NIPBL: variants seen among roughly 807,000 people sequenced by gnomAD.
The protein encoded by NIPBL is NIPBL cohesin loading factor, also known as nipped-B-like protein.
NIPBL carries 19 observed loss-of-function variants against 321.8 expected under a neutral mutation model. That is an observed-to-expected ratio of 0.06 (90% CI 0.04 to 0.09). The LOEUF is 0.09. Ranked by LOEUF, NIPBL falls within the 10% of genes least tolerant of loss-of-function variation. The pLI is 1.00. For missense variants in NIPBL, 2,210 were observed against 3,327.0 expected (o/e 0.66, Z 8.26); for synonymous variants, 1,106 against 1,114.1 (o/e 0.99, Z 0.14).
At chr5:36,887,950 A>G (rs1478645411) in intron 1 of NIPBL, among the ~76,000 whole-genome samples, 1 of 152,178 alleles carries the variant, frequency 6.6e-6, no homozygotes, top group Non-Finnish European at 1.5e-5. Context: ...CAACTCATTT[A>G]CCTAAACTAG....
At chr5:36,898,142 G>A (rs905371198) in intron 1 of NIPBL, among the ~76,000 whole-genome samples, 3 of 152,062 alleles carry the variant, frequency 2.0e-5, no homozygotes, top group African/African-American at 7.2e-5. Context: ...GAAATAAAGA[G>A]TAAAAATCTA....
intron 36 of NIPBL, 125 bp downstream of exon 36, chr5:37,044,854 C>T: frequency 1.4e-6 from 1 of 717,890 alleles, no homozygotes; most frequent in East Asian, 2.7e-5. Flanking sequence ...CCACCGTGGT[C>T]CTCTCAGAAA....
At chr5:36,967,466 A>T (rs1742330173) in intron 6 of NIPBL, among the ~76,000 whole-genome samples, 1 of 152,184 alleles carries the variant, frequency 6.6e-6, no homozygotes, top group South Asian at 2.1e-4. Flanking sequence ...AAATGAAGAG[A>T]TATGCTAATC....
chr5:37,036,209 A>G (rs890470475), intron 32 of NIPBL, among the ~76,000 whole-genome samples, 170 bp from the exon 33 acceptor site: 1 of 151,408 alleles, frequency 6.6e-6, no homozygotes, highest in African/African-American at 2.4e-5. Flanking sequence ...TTGTTTTATT[A>G]ATTTGCACTT....
At chr5:36,926,096 C>G (rs1749341523) in intron 1 of NIPBL, among the ~76,000 whole-genome samples, 1 of 152,184 alleles carries the variant, frequency 6.6e-6, no homozygotes, top group Non-Finnish European at 1.5e-5. Flanking sequence ...TGACTTAATT[C>G]CTTTGGCTCA....
intron 30 of NIPBL, 69 bp downstream of exon 30, chr5:37,024,788 A>G (rs1750064597): frequency 8.0e-7 from 1 of 1,250,004 alleles, no homozygotes; most frequent in Non-Finnish European, 1.1e-6. Context: ...ATTGCACCTA[A>G]ATGTTGATTT....
chr5:36,901,751 C>T (rs1747243935), intron 1 of NIPBL, among the ~76,000 whole-genome samples: 1 of 152,054 alleles, frequency 6.6e-6, no homozygotes, highest in African/African-American at 2.4e-5. Flanking sequence ...TCAAGTGATC[C>T]ACCCCCCTCT....
intron 32 of NIPBL, among the ~76,000 whole-genome samples, chr5:37,028,461 C>T (rs1750580038): frequency 6.6e-6 from 1 of 151,738 alleles, no homozygotes; most frequent in African/African-American, 2.4e-5. Flanking sequence ...CTACCTCAGC[C>T]TCCCAAGTAG....
At chr5:37,060,531 G>T (rs560891301) in intron 44 of NIPBL, among the ~76,000 whole-genome samples, 1 of 152,226 alleles carries the variant, frequency 6.6e-6, no homozygotes, top group African/African-American at 2.4e-5. Flanking sequence ...GTAAGGTTTT[G>T]AGGCAATGCT....
At chr5:36,937,053 T>A (rs1299629444) in intron 1 of NIPBL, among the ~76,000 whole-genome samples, 1 of 152,192 alleles carries the variant, frequency 6.6e-6, no homozygotes, top group African/African-American at 2.4e-5. Context: ...AGAAGTTTTA[T>A]CAATTTTTTG....
At chr5:36,878,873 A>T (rs904900597) in intron 1 of NIPBL, among the ~76,000 whole-genome samples, 1 of 151,056 alleles carries the variant, frequency 6.6e-6, no homozygotes, top group African/African-American at 2.4e-5. Context: ...CTGAGCCCCA[A>T]TCCCGGCCTC....
intron 14 of NIPBL, among the ~76,000 whole-genome samples, chr5:37,002,457 T>C (rs1746929857): frequency 6.6e-6 from 1 of 152,192 alleles, no homozygotes; most frequent in East Asian, 1.9e-4. Flanking sequence ...AAGATATCTA[T>C]CTCATCTTCC....
intron 32 of NIPBL, 44 bp from the exon 33 acceptor site, chr5:37,036,335 G>GTATATATATGTATATATA (rs1278770853): frequency 2.8e-5 from 13 of 456,972 alleles, no homozygotes; most frequent in Non-Finnish European, 4.1e-5. Context: ...TTTCTTTTTT[G>GTATATATATGTATATATA]TATATATATA....
chr5:36,976,967 C>T (rs2149629992), intron 9 of NIPBL, among the ~76,000 whole-genome samples: 1 of 152,062 alleles, frequency 6.6e-6, no homozygotes, highest in South Asian at 2.1e-4. Context: ...GTGGTAATTA[C>T]AGTGAAGTGT....
intron 1 of NIPBL, among the ~76,000 whole-genome samples, chr5:36,883,550 AAAACACT>A (rs2149516907): frequency 1.0e-5 from 1 of 97,420 alleles, no homozygotes; most frequent in African/African-American, 7.6e-5. Context: ...ACAAATGTCT[AAAACACT>A]AATTATTAAA....
intron 1 of NIPBL, among the ~76,000 whole-genome samples, chr5:36,920,955 C>T (rs1748891755): frequency 6.6e-6 from 1 of 151,702 alleles, no homozygotes; most frequent in Non-Finnish European, 1.5e-5. Context: ...TTTGCTTTTA[C>T]TATTTTGATC....
chr5:36,909,490 G>A (rs772128088), intron 1 of NIPBL, among the ~76,000 whole-genome samples: 3 of 151,896 alleles, frequency 2.0e-5, no homozygotes, highest in South Asian at 2.1e-4. Context: ...TTTAAATTAC[G>A]CATTTGTCAT....
chr5:36,962,926 G>A (rs1435180394), intron 6 of NIPBL, among the ~76,000 whole-genome samples: 3 of 152,062 alleles, frequency 2.0e-5, no homozygotes, highest in Admixed American at 2.0e-4. Context: ...TCCACAGAAG[G>A]TATTGGAACC....
At chr5:36,943,108 A>G (rs1247109238) in intron 1 of NIPBL, among the ~76,000 whole-genome samples, 1 of 152,114 alleles carries the variant, frequency 6.6e-6, no homozygotes, top group Non-Finnish European at 1.5e-5. Flanking sequence ...TCAGTCCACA[A>G]TTTGTTGAAT....
Sources: allele counts gnomAD v4.1 joint callset (sites outside exome capture counted in the v4.1 genomes callset), GRCh38; gene constraint gnomAD v4.1.1; transcripts MANE v1.5; gene names NCBI Gene and HGNC (gene_info 2026-07-23, HGNC 2026-07-21).